RPRD1B: variants seen among roughly 807,000 people sequenced by gnomAD.
RPRD1B encodes the protein regulation of nuclear pre-mRNA domain containing 1B, also known as regulation of nuclear pre-mRNA domain-containing protein 1B.
RPRD1B carries 11 observed loss-of-function variants against 41.5 expected under a neutral mutation model. The observed-to-expected ratio is 0.27, with a 90% CI of 0.17 to 0.44. The LOEUF (loss-of-function observed/expected upper bound fraction) is 0.44, where lower values mean the gene tolerates loss of function less well. Among genes scored for constraint, RPRD1B ranks in the 20% least tolerant of loss-of-function variants. The probability of loss-of-function intolerance (pLI) is 1.00; values close to 1 mark genes in which losing one functional copy is unlikely to be tolerated. For synonymous variants in RPRD1B, 158 were observed against 155.6 expected (o/e 1.02, Z -0.12); for missense variants, 248 against 389.9 (o/e 0.64, Z 3.06).
At chr20:38,060,321 T>C (rs1254396368) in intron 5 of RPRD1B, among the ~76,000 whole-genome samples, 1 of 152,194 alleles carries the variant, frequency 6.6e-6, no homozygotes. Flanking sequence ...AGGCCACCAT[T>C]TTCCCACTCC....
intron 6 of RPRD1B, among the ~76,000 whole-genome samples, chr20:38,069,370 C>T (rs1350751600): frequency 2.6e-5 from 4 of 152,160 alleles, no homozygotes; most frequent in Admixed American, 1.3e-4. Context: ...AGGCATTTGG[C>T]GGTTCTGATT....
intron 6 of RPRD1B, among the ~76,000 whole-genome samples, chr20:38,088,783 T>TAC (rs1391124787): frequency 1.3e-5 from 2 of 152,178 alleles, no homozygotes; most frequent in Non-Finnish European, 2.9e-5. Flanking sequence ...GGGGCTCAGG[T>TAC]ACACACCCTG....
chr20:38,064,697 A>G (rs1021841396), intron 5 of RPRD1B, among the ~76,000 whole-genome samples: 3 of 152,128 alleles, frequency 2.0e-5, no homozygotes, highest in Non-Finnish European at 2.9e-5. Context: ...ATGTTTTTCC[A>G]CCCCCAAAGC....
chr20:38,043,381 C>T (rs1276460461), intron 2 of RPRD1B, among the ~76,000 whole-genome samples: 8 of 152,154 alleles, frequency 5.3e-5, no homozygotes, highest in African/African-American at 7.2e-5. Context: ...GGACATGCAG[C>T]AGTCACATAC....
chr20:38,068,859 T>G (rs991531125), intron 6 of RPRD1B, among the ~76,000 whole-genome samples: 5 of 152,240 alleles, frequency 3.3e-5, no homozygotes, highest in African/African-American at 1.2e-4. Context: ...TCCTTCAGAT[T>G]GTCCAAAAGT....
intron 3 of RPRD1B, among the ~76,000 whole-genome samples, chr20:38,055,691 T>C (rs1198336436): frequency 6.6e-6 from 1 of 152,204 alleles, no homozygotes; most frequent in African/African-American, 2.4e-5. Flanking sequence ...CACATTTGTC[T>C]TTATGATCAA....
intron 2 of RPRD1B, among the ~76,000 whole-genome samples, chr20:38,046,253 T>G (rs2074119979): frequency 1.3e-5 from 2 of 152,198 alleles, no homozygotes; most frequent in South Asian, 2.1e-4. Context: ...GACCCAGGCC[T>G]TCTTATTCTT....
chr20:38,082,045 T>A (rs2074517189), intron 6 of RPRD1B, among the ~76,000 whole-genome samples: 1 of 152,230 alleles, frequency 6.6e-6, no homozygotes. Flanking sequence ...CAGGTTTTGG[T>A]ATCAGAATGA....
rs1422911726 is a variant in RPRD1B, at chr20:38,091,987, C to T, written c.*2112C>T. On this transcript the variant is annotated 3_prime_UTR_variant, in exon 7 of 7. Coordinates refer to ENST00000373433, the MANE Select transcript of RPRD1B (RefSeq NM_021215.4). Reference sequence around the variant, plus strand: ...GTTTTTTGTTTTGATGAAATGCTTTCGTTTTTTAAATCTTAATTCTGCTGT... The same window carrying T: ...GTTTTTTGTTTTGATGAAATGCTTTTGTTTTTTAAATCTTAATTCTGCTGT... 4 of 985,682 alleles carry T rather than the reference C, an allele frequency of 4.1e-6. No individual in the cohort carries two copies. Among genetic ancestry groups the T allele is most frequent in the Non-Finnish European group, 4.8e-6 (4 of 829,902 alleles). 61.1% of individuals were successfully genotyped at this position (985,682 alleles called of 1,614,324 possible). A position where few individuals can be genotyped will look rare whatever the true frequency, so the allele number is the denominator to read the frequency against.
chr20:38,053,174 C>T (rs2074206044), intron 3 of RPRD1B, among the ~76,000 whole-genome samples: 1 of 152,006 alleles, frequency 6.6e-6, no homozygotes. Flanking sequence ...TAGTGGAAGG[C>T]TTACCTTAAA....
chr20:38,064,107 A>C (rs1416279617), intron 5 of RPRD1B, among the ~76,000 whole-genome samples: 1 of 152,248 alleles, frequency 6.6e-6, no homozygotes, highest in Non-Finnish European at 1.5e-5. Flanking sequence ...GAGCTTGCTC[A>C]TGGACTGAGC....
intron 6 of RPRD1B, chr20:38,070,180 G>A: frequency 1.0e-6 from 1 of 984,668 alleles, no homozygotes; most frequent in Non-Finnish European, 1.2e-6. Flanking sequence ...TTTATTCTGA[G>A]ATAATCATCT....
intron 6 of RPRD1B, among the ~76,000 whole-genome samples, chr20:38,080,689 C>G (rs921726619): frequency 6.6e-6 from 1 of 152,132 alleles, no homozygotes; most frequent in African/African-American, 2.4e-5. Flanking sequence ...CCACGCCTGG[C>G]TTATTTTGTA....
chr20:38,053,549 C>T (rs1021092137), intron 3 of RPRD1B, among the ~76,000 whole-genome samples: 3 of 152,136 alleles, frequency 2.0e-5, no homozygotes, highest in South Asian at 2.1e-4. Context: ...AAGAGAGGCC[C>T]GAGTGCCGTG....
At chr20:38,073,847 T>G (rs974645446) in intron 6 of RPRD1B, among the ~76,000 whole-genome samples, 1 of 152,210 alleles carries the variant, frequency 6.6e-6, no homozygotes, top group Admixed American at 6.5e-5. Flanking sequence ...TACCTGGATC[T>G]TCTGACTCCT....
At chr20:38,087,830 T>C (rs984515140) in intron 6 of RPRD1B, among the ~76,000 whole-genome samples, 2 of 152,178 alleles carry the variant, frequency 1.3e-5, no homozygotes, top group African/African-American at 4.8e-5. Context: ...AGCTACTTCA[T>C]GTGGTATGCT....
intron 3 of RPRD1B, chr20:38,049,695 A>G (rs1018334586): frequency 1.3e-5 from 6 of 470,996 alleles, no homozygotes; most frequent in Non-Finnish European, 2.6e-5. Flanking sequence ...AGTAAGATCA[A>G]ATGTTGTTTA....
intron 5 of RPRD1B, among the ~76,000 whole-genome samples, chr20:38,063,618 G>T (rs2074323374): frequency 6.6e-6 from 1 of 152,198 alleles, no homozygotes; most frequent in Admixed American, 6.5e-5. Flanking sequence ...ATGGCAGCAG[G>T]TTTGTGTGCT....
chr20:38,066,027 C>G, intron 5 of RPRD1B, 54 bp from the exon 6 acceptor site: 1 of 1,566,396 alleles, frequency 6.4e-7, no homozygotes, highest in Non-Finnish European at 8.8e-7. Flanking sequence ...TGTTTGTAGT[C>G]ATACCTGTGT....
Sources: allele counts gnomAD v4.1 joint callset (sites outside exome capture counted in the v4.1 genomes callset), GRCh38; gene constraint gnomAD v4.1.1; transcripts MANE v1.5; gene names NCBI Gene and HGNC (gene_info 2026-07-23, HGNC 2026-07-21).